Variants in RGS5 observed in about 807,000 individuals in gnomAD.
The protein encoded by RGS5 is regulator of G-protein signalling 5.
In RGS5, 20 loss-of-function variants were observed where a neutral mutation model predicts 18.9. That is an observed-to-expected ratio of 1.06 (90% CI 0.74 to 1.54). The LOEUF is 1.54. Among genes scored for constraint, RGS5 ranks in the 40% most tolerant of loss-of-function variants. The probability of loss-of-function intolerance (pLI) is 0.00; values close to 1 mark genes in which losing one functional copy is unlikely to be tolerated. For missense variants in RGS5, 201 were observed against 211.8 expected, an observed-to-expected ratio of 0.95 and a Z score of 0.32; for synonymous variants, 57 against 76.2, an observed-to-expected ratio of 0.75 and a Z score of 1.31.
chr1:163,217,717 T>C (rs369562342), upstream of RGS5: 1 of 1,315,110 alleles, frequency 7.6e-7, no homozygotes. Flanking sequence ...CTTGATGACA[T>C]TGTTGAGCTA....
In RGS5 at chr1:163,296,213, T is replaced by C. The variant is rs148321605; in HGVS notation, c.-281+10020A>G. Among the ~76,000 whole-genome samples the C allele has an allele frequency of 2.8e-3, 428 of 152,290 alleles. 3 individuals are homozygous for C. Among genetic ancestry groups the C allele is most frequent in the African/African-American group, 9.8e-3 (409 of 41,566 alleles). On this transcript the variant is annotated intron_variant, in intron 2 of 5. Transcript: ENST00000618415. ...TTACTGCAACTATCTTTGGCAGAAG[T>C]AGGGGTGGCTGTAGAGAGAAAAATT...
At chr1:163,302,967 C>A (rs961002460) in intron 2 of RGS5, among the ~76,000 whole-genome samples, 2 of 152,162 alleles carry the variant, frequency 1.3e-5, no homozygotes, top group Non-Finnish European at 2.9e-5. Context: ...ATTTGACTCT[C>A]ATTTGCTCCT....
At chr1:163,148,618 G>A (rs1348157069) in intron 4 of RGS5, among the ~76,000 whole-genome samples, 1 of 152,158 alleles carries the variant, frequency 6.6e-6, no homozygotes, top group Non-Finnish European at 1.5e-5. Context: ...CCAGTGATGT[G>A]GCTCCAGAGC....
At chr1:163,185,044 G>A (rs1046364959) in intron 1 of RGS5, among the ~76,000 whole-genome samples, 2 of 152,154 alleles carry the variant, frequency 1.3e-5, no homozygotes, top group Non-Finnish European at 2.9e-5. Flanking sequence ...TCTATTTTCA[G>A]TTAATAGATA....
intron 1 of RGS5, among the ~76,000 whole-genome samples, chr1:163,209,934 A>G (rs559673620): frequency 2.0e-5 from 3 of 152,110 alleles, no homozygotes; most frequent in African/African-American, 2.4e-5. Context: ...TGTTTCCTCA[A>G]TAAGTATGAT....
At chr1:163,218,052 G>A (rs1660256267), upstream of RGS5, among the ~76,000 whole-genome samples, 1 of 151,748 alleles carries the variant, frequency 6.6e-6, no homozygotes, top group Non-Finnish European at 1.5e-5. Flanking sequence ...AAAAAAAATT[G>A]TGTAATATGG....
chr1:163,147,501 C>A lies in RGS5; in HGVS notation c.387G>T (p.Val129=). 2 of 1,579,146 alleles carry A rather than the reference C, an allele frequency of 1.3e-6. No individual in the cohort carries two copies. The highest frequency in any genetic ancestry group is 1.7e-6 in the Non-Finnish European group (2 of 1,165,414). ...TGTCCTTAGTGAAGTGGTCAATATT[C>A]ACCTGTGGGCCAGGAAACAGGGTCA... is the stretch of plus-strand genomic sequence containing the variant. ...EFIQTEAPKE[V]NIDHFTKDIT... The change falls in exon 5 of 5, where the codon GTG becomes GTT. Residue 129 remains valine (V), a splice_region_variant and synonymous_variant. Transcript: ENST00000313961.
At chr1:163,210,668 A>C (rs1660083191) in intron 1 of RGS5, 6 of 152,252 alleles carry the variant, frequency 3.9e-5, no homozygotes, top group Admixed American at 3.9e-4. Flanking sequence ...AATGCCTAAA[A>C]GTGTTTATAA....
chr1:163,259,567 G>T (rs1648375024), intron 2 of RGS5, among the ~76,000 whole-genome samples: 1 of 152,028 alleles, frequency 6.6e-6, no homozygotes, highest in Admixed American at 6.6e-5. Flanking sequence ...AGGAACCACA[G>T]GTATGTTGAA....
At chr1:163,194,179 T>C (rs1274847591) in intron 1 of RGS5, among the ~76,000 whole-genome samples, 1 of 152,184 alleles carries the variant, frequency 6.6e-6, no homozygotes, top group Non-Finnish European at 1.5e-5. Flanking sequence ...TGCATATTAA[T>C]ATATACTTTT....
At chr1:163,283,046 C>T (rs550362832) in intron 2 of RGS5, among the ~76,000 whole-genome samples, 2 of 152,120 alleles carry the variant, frequency 1.3e-5, no homozygotes, top group Admixed American at 6.6e-5. Context: ...AAGACAAATG[C>T]CACATATTGT....
chr1:163,166,746 C>G (rs553054975), intron 2 of RGS5, among the ~76,000 whole-genome samples: 1 of 152,200 alleles, frequency 6.6e-6, no homozygotes, highest in Admixed American at 6.5e-5. Context: ...ATGGTCAGCC[C>G]CAGGGTTTCT....
At chr1:163,288,154 A>C (rs1398268062) in intron 2 of RGS5, among the ~76,000 whole-genome samples, 1 of 151,984 alleles carries the variant, frequency 6.6e-6, no homozygotes, top group African/African-American at 2.4e-5. Flanking sequence ...TTTTTCAGGT[A>C]ATGGATACTG....
At chr1:163,219,931 C>T (rs895640295), upstream of RGS5, among the ~76,000 whole-genome samples, 1 of 152,014 alleles carries the variant, frequency 6.6e-6, no homozygotes, top group Non-Finnish European at 1.5e-5. Context: ...GCTACATATA[C>T]CTAGGATTGG....
At chr1:163,202,664 A>G (rs1390614820) in intron 1 of RGS5, 128 bp downstream of exon 1, 1 of 693,568 alleles carries the variant, frequency 1.4e-6, no homozygotes, top group African/African-American at 1.8e-5. Context: ...TACCCAATCT[A>G]CAGTCAAGCA....
At chr1:163,317,062 T>A (rs1370320714) in intron 1 of RGS5, among the ~76,000 whole-genome samples, 1 of 152,078 alleles carries the variant, frequency 6.6e-6, no homozygotes, top group Non-Finnish European at 1.5e-5. Flanking sequence ...ATCTCAGACC[T>A]CTCTTTTTGA....
chr1:163,300,880 G>A (rs1649535490), intron 2 of RGS5, among the ~76,000 whole-genome samples: 1 of 152,208 alleles, frequency 6.6e-6, no homozygotes, highest in African/African-American at 2.4e-5. Flanking sequence ...CTTACCAAGT[G>A]TATTGACTCT....
intron 1 of RGS5, among the ~76,000 whole-genome samples, chr1:163,187,689 C>T (rs897525247): frequency 1.3e-5 from 2 of 152,172 alleles, no homozygotes; most frequent in South Asian, 4.1e-4. Context: ...TCCGCACCCC[C>T]TCCCCCATGC....
chr1:163,229,115 C>A (rs973349970), intron 2 of RGS5, among the ~76,000 whole-genome samples: 2 of 152,118 alleles, frequency 1.3e-5, no homozygotes, highest in African/African-American at 4.8e-5. Context: ...TCTATGGGTA[C>A]CAATTTACTG....
Sources: allele counts gnomAD v4.1 joint callset (sites outside exome capture counted in the v4.1 genomes callset), GRCh38; gene constraint gnomAD v4.1.1; transcripts MANE v1.5; gene names NCBI Gene and HGNC (gene_info 2026-07-23, HGNC 2026-07-21).